Variants in TAF5L observed in about 807,000 individuals in gnomAD.
TAF5L encodes the protein TAF5-like RNA polymerase II p300/CBP-associated factor-associated factor 65 kDa subunit 5L.
In TAF5L, 7 loss-of-function variants were observed where a neutral mutation model predicts 51.3. The ratio of observed to expected loss-of-function variants is 0.14; its 90% CI spans 0.08 to 0.26. TAF5L has a LOEUF of 0.26. TAF5L is among the 10% of genes least tolerant of loss of function. TAF5L has a pLI of 1.00. For synonymous variants in TAF5L, 291 were observed against 308.1 expected (o/e 0.94, Z 0.58); for missense variants, 575 against 758.9 (o/e 0.76, Z 2.85).
intron 4 of TAF5L, 47 bp from the exon 5 acceptor site, chr1:229,595,141 G>C: frequency 6.6e-7 from 1 of 1,524,546 alleles, no homozygotes. Context: ...CACAAAAAAT[G>C]TTCAGTGGTC....
chr1:229,604,175 T>TTC (rs1469115295), intron 3 of TAF5L, among the ~76,000 whole-genome samples: 1 of 148,804 alleles, frequency 6.7e-6, no homozygotes, highest in Non-Finnish European at 1.5e-5. Context: ...CTGGTAGCAT[T>TTC]TTTTTTTTTT....
intron 1 of TAF5L, among the ~76,000 whole-genome samples, chr1:229,618,317 T>C (rs529588646): frequency 1.1e-4 from 16 of 152,368 alleles, no homozygotes; most frequent in Admixed American, 1.0e-3. Flanking sequence ...TTTCAATTTA[T>C]ATAAAATACT....
At chr1:229,618,437 T>C (rs1172753959) in intron 1 of TAF5L, among the ~76,000 whole-genome samples, 1 of 152,118 alleles carries the variant, frequency 6.6e-6, no homozygotes, top group Non-Finnish European at 1.5e-5. Flanking sequence ...TGTATATCTA[T>C]TCTCATGTAT....
chr1:229,604,458 C>T (rs1047227295), intron 3 of TAF5L, among the ~76,000 whole-genome samples: 2 of 152,194 alleles, frequency 1.3e-5, no homozygotes, highest in African/African-American at 4.8e-5. Context: ...GGGCTCCTCA[C>T]ACCTCTGAAT....
exon 1 of TAF5L, chr1:229,626,001 C>T (rs938171333): frequency 2.7e-5 from 4 of 149,830 alleles, no homozygotes; most frequent in Non-Finnish European, 4.5e-5. Flanking sequence ...CAGCTGGGCC[C>T]CCGCGCCCCG....
intron 3 of TAF5L, among the ~76,000 whole-genome samples, chr1:229,604,122 TAAATA>T: frequency 6.6e-6 from 1 of 151,680 alleles, no homozygotes; most frequent in East Asian, 1.9e-4. Flanking sequence ...TGTACATATT[TAAATA>T]AATTAAAATA....
chr1:229,600,515 A>G, intron 4 of TAF5L: 1 of 985,438 alleles, frequency 1.0e-6, no homozygotes, highest in Non-Finnish European at 1.2e-6. Flanking sequence ...CTTATCCCCT[A>G]CAGTAATTGA....
chr1:229,594,428 G>A lies in TAF5L; in HGVS notation c.1639C>T (p.Pro547Ser), dbSNP rs559640663. ...AGCTCGCTGGAGGAGCCGTCGGCAG[G>A]TGCACTGCAGTAAGTGTTCCTGATG... Residue 547 changes from proline to serine, a missense_variant, in exon 5 of 5, where the codon CCT becomes TCT. Pro to Ser is a moderately conservative substitution (Grantham distance 74). Coordinates refer to ENST00000258281, the Ensembl canonical transcript of TAF5L. The surrounding 1 kb of genome is among the most constrained non-coding windows in gnomAD (Gnocchi z 7.9). 1.7e-5 allele frequency: 27 copies of A among 1,614,218 alleles called. No homozygotes were observed. In the South Asian group the frequency reaches 2.9e-4, roughly 17 times the overall value.
chr1:229,613,553 A>T (rs185068667), intron 2 of TAF5L, among the ~76,000 whole-genome samples: 1 of 152,330 alleles, frequency 6.6e-6, no homozygotes, highest in African/African-American at 2.4e-5. Flanking sequence ...GGTGCTGAAT[A>T]CTATGATGAA....
chr1:229,620,956 ATGTGTGTG>A (rs60562331), intron 1 of TAF5L, among the ~76,000 whole-genome samples: 14 of 150,018 alleles, frequency 9.3e-5, no homozygotes, highest in East Asian at 7.9e-4. Context: ...TAAAACATTT[ATGTGTGTG>A]TGTGTGTGTG....
At chr1:229,601,125 G>A in intron 4 of TAF5L, 1 of 984,802 alleles carries the variant, frequency 1.0e-6, no homozygotes, top group Non-Finnish European at 1.2e-6. Flanking sequence ...CTCATCACAA[G>A]GAAATCCTTC....
At chr1:229,624,080 GCAAAA>G (rs1665326097) in intron 1 of TAF5L, among the ~76,000 whole-genome samples, 1 of 152,172 alleles carries the variant, frequency 6.6e-6, no homozygotes, top group African/African-American at 2.4e-5. Flanking sequence ...CTCCCTTCCA[GCAAAA>G]CAAATTAGCA....
chr1:229,619,103 T>C (rs1313954436), intron 1 of TAF5L, among the ~76,000 whole-genome samples: 3 of 152,214 alleles, frequency 2.0e-5, no homozygotes, highest in Non-Finnish European at 4.4e-5. Flanking sequence ...GTCTACTAGG[T>C]AACTCAAGTT....
intron 4 of TAF5L, among the ~76,000 whole-genome samples, chr1:229,597,329 G>A (rs1341469172): frequency 6.6e-6 from 1 of 152,216 alleles, no homozygotes; most frequent in Non-Finnish European, 1.5e-5. Flanking sequence ...TGGAGATGAA[G>A]GTGCATGGGC....
chr1:229,618,746 C>CCCTCCA (rs1240270016), intron 1 of TAF5L, among the ~76,000 whole-genome samples: 1 of 152,152 alleles, frequency 6.6e-6, no homozygotes, highest in Non-Finnish European at 1.5e-5. Context: ...TGCATCCTAT[C>CCCTCCA]CCTCCACCCC....
chr1:229,624,470 G>C (rs1665348863), intron 1 of TAF5L, among the ~76,000 whole-genome samples: 1 of 152,142 alleles, frequency 6.6e-6, no homozygotes, highest in African/African-American at 2.4e-5. Flanking sequence ...AACGATAATA[G>C]CTAACATTTA....
In TAF5L at chr1:229,594,851, G is replaced by A. The variant is rs374711429; in HGVS notation, c.1216C>T (p.Arg406Cys). The A allele has an allele frequency of 7.4e-6, 12 of 1,614,042 alleles. No homozygotes were observed. Among genetic ancestry groups the A allele is most frequent in the East Asian group, 2.2e-5 (1 of 44,888 alleles). Residue 406 changes from arginine to cysteine, a missense_variant, in exon 5 of 5, where the codon CGC becomes TGC. Arg to Cys is a radical substitution (Grantham distance 180). Coordinates refer to ENST00000258281, the Ensembl canonical transcript of TAF5L. The surrounding 1 kb of genome is among the most constrained non-coding windows in gnomAD (Gnocchi z 7.9). ...TCAAATGACCACAGCCTGGCGGTGC[G>A]GTCGTGGGACCCGCTGGCGAAGTAC...
Position 229,610,090 on chromosome 1 carries a change from A to C in TAF5L, c.247+16T>G. ...TGTTTTCTTAAAAAGAAAAGGTTCT[A>C]GAGCTGAGTACTTACCAGTGAGAAA... On this transcript the variant is annotated intron_variant, in intron 3 of 4. Transcript: ENST00000258281. 6.2e-7 allele frequency: 1 copy of C among 1,611,200 alleles called. No homozygotes were observed. Among genetic ancestry groups the C allele is most frequent in the Non-Finnish European group, 8.5e-7 (1 of 1,177,464 alleles).
chr1:229,620,258 G>T (rs936981397), intron 1 of TAF5L, among the ~76,000 whole-genome samples: 1 of 152,090 alleles, frequency 6.6e-6, no homozygotes, highest in African/African-American at 2.4e-5. Context: ...AAGTGGTCTG[G>T]CTATATTGCC....
Sources: gnomAD v4.1 joint callset for allele counts (sites outside exome capture counted in the v4.1 genomes callset) on GRCh38, gnomAD v4.1.1 for gene constraint, Gnocchi (gnomAD v3.1) non-coding constraint, MANE v1.5 for transcripts, NCBI Gene and HGNC (gene_info 2026-07-23, HGNC 2026-07-21) for gene names.